The following MBNL3 variants were observed in gnomAD, a reference collection of about 807,000 sequenced individuals.
The protein encoded by MBNL3 is muscleblind-like protein 3.
In MBNL3, 6 loss-of-function variants were observed where a neutral mutation model predicts 24.5. The observed-to-expected ratio is 0.25, with a 90% CI of 0.13 to 0.48. MBNL3 has a LOEUF of 0.48. Among genes scored for constraint, MBNL3 ranks in the 20% least tolerant of loss-of-function variants. The pLI is 0.99. For synonymous variants in MBNL3, 100 were observed against 101.7 expected (o/e 0.98, Z 0.10); for missense variants, 230 against 293.5 (o/e 0.78, Z 1.58).
intron 1 of MBNL3, among the ~76,000 whole-genome samples, chrX:132,485,684 T>C (rs1420194500): frequency 8.9e-6 from 1 of 112,422 alleles, no homozygotes; most frequent in African/African-American, 3.2e-5. Flanking sequence ...TTATAATTTA[T>C]GTTTGTTTGC....
chrX:132,414,027 A>G (rs1486568215), intron 2 of MBNL3, among the ~76,000 whole-genome samples: 1 of 112,179 alleles, frequency 8.9e-6, no homozygotes, highest in African/African-American at 3.2e-5. Flanking sequence ...ACATGTTTCT[A>G]TATGCACACA....
At chrX:132,449,272 A>C (rs1309527193) in intron 1 of MBNL3, among the ~76,000 whole-genome samples, 1 of 110,719 alleles carries the variant, frequency 9.0e-6, no homozygotes, top group Non-Finnish European at 1.9e-5. Flanking sequence ...TCAGAGTCTA[A>C]GTCTCTTTGT....
chrX:132,391,197 T>A, intron 4 of MBNL3, 114 bp from the exon 5 acceptor site: 1 of 504,528 alleles, frequency 2.0e-6, no homozygotes, highest in Non-Finnish European at 3.3e-6. Context: ...TTGAATATAT[T>A]ATGTGTGAAC....
chrX:132,449,036 G>A (rs1945897792), intron 1 of MBNL3, among the ~76,000 whole-genome samples: 1 of 112,037 alleles, frequency 8.9e-6, no homozygotes, highest in Admixed American at 9.5e-5. Context: ...TGCATTTGCT[G>A]AGGAGTGTTT....
chrX:132,393,092 GTATC>G (rs1426636714), intron 3 of MBNL3, among the ~76,000 whole-genome samples: 1 of 110,843 alleles, frequency 9.0e-6, no homozygotes, highest in African/African-American at 3.3e-5. Flanking sequence ...GGTAAATGGA[GTATC>G]TATCACCTCA....
At chrX:132,481,354 C>T (rs912513864) in intron 1 of MBNL3, among the ~76,000 whole-genome samples, 4 of 112,409 alleles carry the variant, frequency 3.6e-5, no homozygotes, top group Non-Finnish European at 7.5e-5. Flanking sequence ...TGAACCACTG[C>T]ATTTTAATGA....
chrX:132,419,996 G>A (rs966015115), intron 2 of MBNL3, among the ~76,000 whole-genome samples: 10 of 111,236 alleles, frequency 9.0e-5, no homozygotes, highest in African/African-American at 2.9e-4. Context: ...ATTGTTACTG[G>A]GGGTCCTTGT....
At position 132,400,307 on chromosome X, in the gene MBNL3, A is replaced by G. The variant is rs1463761116; in HGVS notation, c.342+5921T>C. 3.6e-5 allele frequency among the ~76,000 whole-genome samples: 4 copies of G among 112,112 alleles called. No homozygotes were observed. In the Admixed American group the frequency reaches 3.8e-4, roughly 11 times the overall value. On this transcript the variant is annotated intron_variant, in intron 3 of 8. Transcript: ENST00000370853. ...GTGTAGCATTTTCATTCAACTTTTG[A>G]AAAAAGCAGATTTCACAGTGTCTAT...
At chrX:132,469,857 T>C (rs1055852154) in intron 1 of MBNL3, among the ~76,000 whole-genome samples, 5 of 111,686 alleles carry the variant, frequency 4.5e-5, no homozygotes, top group African/African-American at 1.6e-4. Flanking sequence ...CCATTCCTCT[T>C]AGGCTGTGCT....
chrX:132,378,793 T>A lies in MBNL3; in HGVS notation c.*873A>T, dbSNP rs1175123330. ...ATTTTTAGTATAAATGCTGAGAAAT[T>A]CATTTAAAGGTAAAGTCTTATTTGC... On this transcript the variant is annotated 3_prime_UTR_variant, in exon 9 of 9. Coordinates refer to ENST00000370853, the MANE Select transcript of MBNL3 (RefSeq NM_001386889.1). 1.8e-5 allele frequency: 2 copies of A among 112,087 alleles called. No homozygotes were observed. The highest frequency in any genetic ancestry group is 3.8e-5 in the Non-Finnish European group (2 of 53,145). The allele number at this position is 112,087 out of a possible 1,213,427, so 9.2% of individuals were successfully genotyped here. A position where few individuals can be genotyped will look rare whatever the true frequency, so the allele number is the denominator to read the frequency against.
chrX:132,447,382 A>G (rs149972629), intron 1 of MBNL3, among the ~76,000 whole-genome samples: 144 of 112,052 alleles, frequency 1.3e-3, no homozygotes, highest in Middle Eastern at 4.6e-3. Context: ...CATCCCATCC[A>G]TGGGCATGGA....
At chrX:132,438,279 T>C (rs1945222867) in intron 2 of MBNL3, among the ~76,000 whole-genome samples, 2 of 112,367 alleles carry the variant, frequency 1.8e-5, no homozygotes, top group Admixed American at 9.5e-5. Flanking sequence ...TATCTCTTTA[T>C]GGATATGCAA....
intron 3 of MBNL3, among the ~76,000 whole-genome samples, chrX:132,398,557 T>C (rs760274271): frequency 1.8e-3 from 204 of 112,064 alleles, no homozygotes; most frequent in Non-Finnish European, 3.3e-3. Flanking sequence ...TTTGTATACA[T>C]TGAACATGTG....
upstream of MBNL3, among the ~76,000 whole-genome samples, chrX:132,489,600 G>C (rs1172511629): frequency 1.8e-5 from 2 of 112,082 alleles, no homozygotes; most frequent in South Asian, 7.1e-4. Flanking sequence ...GGCTGGGGCC[G>C]CGCCTCCGTG....
chrX:132,437,807 G>T, intron 2 of MBNL3: 1 of 267,028 alleles, frequency 3.7e-6, no homozygotes, highest in Non-Finnish European at 5.2e-6. Context: ...AAACTTAAAT[G>T]AAACCAAAAT....
At chrX:132,428,370 T>C (rs904732610) in intron 2 of MBNL3, among the ~76,000 whole-genome samples, 1 of 110,120 alleles carries the variant, frequency 9.1e-6, no homozygotes, top group Non-Finnish European at 1.9e-5. Context: ...GAAAACAATA[T>C]CAAGAAAGAT....
At chrX:132,483,767 C>T (rs182605460) in intron 1 of MBNL3, among the ~76,000 whole-genome samples, 1 of 112,201 alleles carries the variant, frequency 8.9e-6, no homozygotes, top group Non-Finnish European at 1.9e-5. Context: ...GTCTCTTCTA[C>T]TGTGTGGACT....
chrX:132,385,470 G>GA (rs896942135), intron 6 of MBNL3, among the ~76,000 whole-genome samples: 7 of 110,537 alleles, frequency 6.3e-5, no homozygotes, highest in African/African-American at 2.0e-4. Flanking sequence ...AATTTTTGAA[G>GA]AAAAAAAATG....
chrX:132,411,096 T>C (rs988373689), intron 2 of MBNL3: 45 of 736,683 alleles, frequency 6.1e-5, no homozygotes, highest in Non-Finnish European at 7.1e-5. Context: ...ATTTCTTAAA[T>C]ATAATGAAGG....
Sources: gnomAD v4.1 joint callset for allele counts (sites outside exome capture counted in the v4.1 genomes callset) on GRCh38, gnomAD v4.1.1 for gene constraint, MANE v1.5 for transcripts, NCBI Gene and HGNC (gene_info 2026-07-23, HGNC 2026-07-21) for gene names.